RSPO1: variants seen among roughly 807,000 people sequenced by gnomAD.
RSPO1 encodes the protein R-spondin 1, also known as R-spondin-1.
A neutral mutation model predicts 26.0 loss-of-function variants in RSPO1; 18 were observed. The ratio of observed to expected loss-of-function variants is 0.69; its 90% CI spans 0.48 to 1.03. The LOEUF (loss-of-function observed/expected upper bound fraction) is 1.03, where lower values mean the gene tolerates loss of function less well. Among genes scored for constraint, RSPO1 ranks in the 50% least tolerant of loss-of-function variants. The pLI, the probability that RSPO1 is intolerant of heterozygous loss-of-function variation, is 0.00. For synonymous variants in RSPO1, 133 were observed against 137.4 expected, an observed-to-expected ratio of 0.97 and a Z score of 0.22; for missense variants, 309 against 352.3, an observed-to-expected ratio of 0.88 and a Z score of 0.98.
chr1:37,630,870 G>A (rs997501198), intron 2 of RSPO1, among the ~76,000 whole-genome samples: 1 of 152,194 alleles, frequency 6.6e-6, no homozygotes, highest in South Asian at 2.1e-4. Context: ...GAGCATGCAG[G>A]CCAATAGCAC....
At chr1:37,627,621 G>C (rs1644297291) in intron 3 of RSPO1, among the ~76,000 whole-genome samples, 1 of 151,714 alleles carries the variant, frequency 6.6e-6, no homozygotes, top group Admixed American at 6.6e-5. Flanking sequence ...CAGCACTCCA[G>C]CCTGGGTGAC....
At position 37,613,998 on chromosome 1, in the gene RSPO1, C is replaced by T. The variant is rs1644068780; in HGVS notation, c.437-106G>A. The stretch of plus-strand genomic sequence containing the variant: ...GGAGCATCTCCCACTTTCCTTCTGC[C>T]TGGACCTGAGGCTGCAGGTATCTTT... On this transcript the variant is annotated intron_variant, in intron 5 of 6. Coordinates refer to ENST00000356545, the MANE Select transcript of RSPO1 (RefSeq NM_001242908.2). This position sits in a 1 kb window ranked among gnomAD's most constrained non-coding sequence, Gnocchi z 4.5. 2 of 1,412,426 alleles carry T rather than the reference C, an allele frequency of 1.4e-6. No homozygotes were observed. The highest frequency in any genetic ancestry group is 2.3e-4 in the Middle Eastern group (1 of 4,352). 87.5% of individuals were successfully genotyped at this position (1,412,426 alleles called of 1,614,324 possible). A position where few individuals can be genotyped will look rare whatever the true frequency, so the allele number is the denominator to read the frequency against.
At chr1:37,631,552 G>A (rs955675582) in intron 2 of RSPO1, among the ~76,000 whole-genome samples, 8 of 152,168 alleles carry the variant, frequency 5.3e-5, no homozygotes, top group African/African-American at 9.7e-5. Context: ...TGATAGTCAC[G>A]GGCATAAACT....
rs1644040457 is a variant in RSPO1 at position 37,612,574 on chromosome 1, A to G, written c.*181T>C. On this transcript the variant is annotated 3_prime_UTR_variant, in exon 7 of 7. Transcript: ENST00000356545. ...GTGTGTACATGAACACACATGTGCA[A>G]GTATGTATGGTTGTATATGTGGACA... 8.7e-6 allele frequency: 6 copies of G among 687,782 alleles called. 1 individual carries two copies. In the South Asian group the frequency reaches 9.8e-5, roughly 11 times the overall value. The allele number at this position is 687,782 out of a possible 1,614,324, so 42.6% of individuals were successfully genotyped here.
At chr1:37,625,036 C>G (rs1416254446) in intron 3 of RSPO1, among the ~76,000 whole-genome samples, 1 of 152,244 alleles carries the variant, frequency 6.6e-6, no homozygotes, top group African/African-American at 2.4e-5. Context: ...ACTAAAGTCA[C>G]CTCCTCCAGG....
intron 3 of RSPO1, among the ~76,000 whole-genome samples, chr1:37,618,906 A>G (rs575789304): frequency 1.3e-5 from 2 of 152,218 alleles, no homozygotes; most frequent in Admixed American, 1.3e-4. Flanking sequence ...AGGAACTTGA[A>G]CTTGATCAAG....
chr1:37,613,887 A>T lies in RSPO1; in HGVS notation c.442T>A (p.Cys148Ser). 6.2e-7 allele frequency: 1 copy of T among 1,613,976 alleles called. No individual in the cohort carries two copies. Among genetic ancestry groups the T allele is most frequent in the Non-Finnish European group, 8.5e-7 (1 of 1,179,976 alleles). The change falls in exon 6 of 7, where the codon TGT (cysteine) becomes AGT (serine). Residue 148 changes from cysteine (C) to serine (S), a missense_variant. Coordinates refer to ENST00000356545, the MANE Select transcript of RSPO1 (RefSeq NM_001242908.2). This position sits in a 1 kb window ranked among gnomAD's most constrained non-coding sequence, Gnocchi z 4.5. ...CACGGAGACCACTCGCTCATTTCACATTGCGCTGGCAGGAAGAGAAGGGAA... is the reference window on the plus strand; with the variant it reads ...CACGGAGACCACTCGCTCATTTCACTTTGCGCTGGCAGGAAGAGAAGGGAA... ...GTMECSSPAQCEMSEWSPWGP... is the reference protein window; with the variant it reads ...GTMECSSPAQSEMSEWSPWGP...
At position 37,629,658 on chromosome 1, in the gene RSPO1, G is replaced by A. The variant is rs570832869; in HGVS notation, c.4C>T (p.Arg2Trp). 42 of 1,613,892 alleles carry A rather than the reference G, an allele frequency of 2.6e-5. No individual in the cohort carries two copies. The African/African-American group carries it at 3.9e-4, about 15-fold the overall frequency. ...AGGGCCACCACACACAGCCCAAGCC[G>A]CATAGTCACGCGCCAGCTCCAGGCC... M[R>W]LGLCVVALVL... The change falls in exon 3 of 7, where the codon CGG becomes TGG. Residue 2 changes from arginine (R) to tryptophan (W), a missense_variant. Transcript: ENST00000356545.
rs577256415 is a variant in RSPO1 at position 37,613,015 on chromosome 1, C to G, written c.626-94G>C. The stretch of plus-strand genomic sequence containing the variant: ...CCCTAGGAGGGGAGTGTGAGGAAGC[C>G]GGAAGGGGAGGCAGGGAGGAGGCTG... On this transcript the variant is annotated intron_variant, in intron 6 of 6. Coordinates refer to ENST00000356545, the MANE Select transcript of RSPO1 (RefSeq NM_001242908.2). This position sits in a 1 kb window ranked among gnomAD's most constrained non-coding sequence, Gnocchi z 4.5. 2.5e-3 allele frequency: 3,629 copies of G among 1,426,990 alleles called. 13 individuals are homozygous for G. Among genetic ancestry groups the G allele is most frequent in the Non-Finnish European group, 3.0e-3 (3,029 of 1,023,382 alleles). 88.4% of individuals were successfully genotyped at this position (1,426,990 alleles called of 1,614,324 possible).
chr1:37,628,179 CTCTCTCTCTG>C (rs1644306016), intron 3 of RSPO1, among the ~76,000 whole-genome samples: 1 of 152,022 alleles, frequency 6.6e-6, no homozygotes. Flanking sequence ...CCCATTCTCT[CTCTCTCTCTG>C]TCTCTCTCTC....
At chr1:37,620,670 A>C (rs1021531208) in intron 3 of RSPO1, among the ~76,000 whole-genome samples, 2 of 148,042 alleles carry the variant, frequency 1.4e-5, no homozygotes, top group Admixed American at 1.4e-4. Flanking sequence ...ATATGATAAA[A>C]ATAAAAATCA....
chr1:37,629,998 T>G (rs988113651), intron 2 of RSPO1, 49 bp from the exon 3 acceptor site: 4 of 832,118 alleles, frequency 4.8e-6, no homozygotes, highest in Non-Finnish European at 8.1e-6. Flanking sequence ...CCATGAACAC[T>G]CCCACTTATG....
chr1:37,622,076 G>C (rs1376042280), intron 3 of RSPO1, among the ~76,000 whole-genome samples: 1 of 152,194 alleles, frequency 6.6e-6, no homozygotes, highest in Admixed American at 6.5e-5. Flanking sequence ...ACATTGAAGA[G>C]AAGGACGGAA....
At chr1:37,617,661 CAAAAAAAAAAAAAAAAAA>C (rs34856591) in intron 3 of RSPO1, among the ~76,000 whole-genome samples, 1 of 36,358 alleles carries the variant, frequency 2.8e-5, no homozygotes, top group Admixed American at 4.4e-4. Context: ...GACTCCATCT[CAAAAAAAAAAAAAAAAAA>C]AAAAAAAAAA....
At position 37,620,629 on chromosome 1, in the gene RSPO1, A is replaced by AAATAATAATAATAAT. The variant is rs56294873; in HGVS notation, c.95-3969_95-3955dup. ...AGGTGATGAGCGAGACTCTGTCTCA[A>AAATAATAATAATAAT]AATAATAATAATAATAATAATAATA... On this transcript the variant is annotated intron_variant, in intron 3 of 6. Transcript: ENST00000356545. Among the ~76,000 whole-genome samples the AAATAATAATAATAAT allele has an allele frequency of 8.2e-3, 1,191 of 146,076 alleles. 12 individuals carry two copies. The highest frequency in any genetic ancestry group is 0.027 in the African/African-American group (1,083 of 39,688).
chr1:37,623,640 G>C lies in RSPO1; in HGVS notation c.94+5928C>G, dbSNP rs113127624. ...ACGTGCCTGTAATTCCAGCTACTTG[G>C]GAGGCTGAGGCAGGATCCCTTGAGC... On this transcript the variant is annotated intron_variant, in intron 3 of 6. Coordinates refer to ENST00000356545, the MANE Select transcript of RSPO1 (RefSeq NM_001242908.2). 4.3e-3 allele frequency among the ~76,000 whole-genome samples: 656 copies of C among 152,052 alleles called. 4 individuals carry two copies. Among genetic ancestry groups the C allele is most frequent in the African/African-American group, 0.015 (627 of 41,468 alleles).
At chr1:37,619,906 CCTGT>C (rs748050648) in intron 3 of RSPO1, among the ~76,000 whole-genome samples, 6 of 152,062 alleles carry the variant, frequency 3.9e-5, no homozygotes, top group Non-Finnish European at 2.9e-5. Flanking sequence ...TGCCACCATG[CCTGT>C]CTAAGTTTTT....
At chr1:37,629,108 GGGAA>G (rs1644319621) in intron 3 of RSPO1, among the ~76,000 whole-genome samples, 1 of 152,216 alleles carries the variant, frequency 6.6e-6, no homozygotes, top group South Asian at 2.1e-4. Flanking sequence ...ATCTGGGCAG[GGGAA>G]GCCCTGTTAC....
At chr1:37,626,945 G>A (rs527801603) in intron 3 of RSPO1, among the ~76,000 whole-genome samples, 1 of 152,204 alleles carries the variant, frequency 6.6e-6, no homozygotes, top group African/African-American at 2.4e-5. Context: ...GGGAGGGGCA[G>A]GGTCCTCAAT....
Sources: allele counts gnomAD v4.1 joint callset (sites outside exome capture counted in the v4.1 genomes callset), GRCh38; gene constraint gnomAD v4.1.1; non-coding constraint Gnocchi (gnomAD v3.1); transcripts MANE v1.5; gene names NCBI Gene and HGNC (gene_info 2026-07-23, HGNC 2026-07-21).